Variants in FAAH2 observed in about 807,000 individuals in gnomAD.
The protein encoded by FAAH2 is fatty acid amide hydrolase 2, also known as fatty-acid amide hydrolase 2.
A neutral mutation model predicts 36.9 loss-of-function variants in FAAH2; 60 were observed. The observed-to-expected ratio is 1.63, with a 90% CI of 1.32 to 2.02. FAAH2 has a LOEUF of 2.02. Among genes scored for constraint, FAAH2 ranks in the 30% most tolerant of loss-of-function variants. FAAH2 has a pLI of 0.00. For synonymous variants in FAAH2, 214 were observed against 143.8 expected (o/e 1.49, Z -3.49); for missense variants, 689 against 397.5 (o/e 1.73, Z -6.23).
At chrX:57,382,870 C>CA (rs2054894019) in intron 7 of FAAH2, among the ~76,000 whole-genome samples, 1 of 111,264 alleles carries the variant, frequency 9.0e-6, no homozygotes, top group Non-Finnish European at 1.9e-5. Context: ...AGAGACACAA[C>CA]CAAGAAAGAG....
chrX:57,213,030 T>C, the FAAH2 span, among the ~76,000 whole-genome samples: 1 of 111,608 alleles, frequency 9.0e-6, no homozygotes, highest in African/African-American at 3.3e-5. Flanking sequence ...ATTACTGGTC[T>C]ATTCAGGATT....
chrX:57,439,868 C>A (rs2056508997), intron 8 of FAAH2, among the ~76,000 whole-genome samples: 1 of 111,619 alleles, frequency 9.0e-6, no homozygotes, highest in Admixed American at 9.5e-5. Flanking sequence ...AATCCTTTCC[C>A]CATTTCTTGT....
At chrX:57,457,820 A>G (rs2056888328) in intron 10 of FAAH2, among the ~76,000 whole-genome samples, 1 of 111,307 alleles carries the variant, frequency 9.0e-6, no homozygotes, top group Non-Finnish European at 1.9e-5. Context: ...ATGGGAAAAT[A>G]TTTCATGCTC....
At chrX:57,149,693 C>A in the FAAH2 span, among the ~76,000 whole-genome samples, 1 of 110,804 alleles carries the variant, frequency 9.0e-6, no homozygotes, top group African/African-American at 3.3e-5. Context: ...TTTTGTTGAT[C>A]TTTTCAAAAA....
chrX:57,137,215 G>C, the FAAH2 span: 1 of 760,028 alleles, frequency 1.3e-6, no homozygotes, highest in African/African-American at 2.3e-5. Flanking sequence ...CCTGCCTGGC[G>C]TCCACCGCCG....
intron 7 of FAAH2, among the ~76,000 whole-genome samples, chrX:57,408,609 T>C (rs1286180861): frequency 9.1e-6 from 1 of 110,291 alleles, no homozygotes; most frequent in Non-Finnish European, 1.9e-5. Flanking sequence ...ACATGTTGAA[T>C]AGAAATAGCC....
At chrX:57,341,142 T>G (rs2053675884) in intron 4 of FAAH2, 129 bp from the exon 5 acceptor site, 1 of 564,034 alleles carries the variant, frequency 1.8e-6, no homozygotes, top group African/African-American at 2.4e-5. Context: ...TCTAAATATA[T>G]GCTGTGAACA....
the FAAH2 span, among the ~76,000 whole-genome samples, chrX:57,203,988 T>C: frequency 9.0e-6 from 1 of 111,688 alleles, no homozygotes; most frequent in Non-Finnish European, 1.9e-5. Context: ...ACAGGAACTC[T>C]TGCTGTATTT....
At chrX:57,271,439 T>C in the FAAH2 span, among the ~76,000 whole-genome samples, 21 of 112,268 alleles carry the variant, frequency 1.9e-4, no homozygotes, top group Non-Finnish European at 3.0e-4. Flanking sequence ...CCTCCACAAG[T>C]GAGTCCCTGA....
chrX:57,251,478 C>T, the FAAH2 span, among the ~76,000 whole-genome samples: 6 of 111,393 alleles, frequency 5.4e-5, no homozygotes, highest in East Asian at 5.7e-4. Context: ...TTCAATTCAA[C>T]GCAGTACTAA....
intron 7 of FAAH2, among the ~76,000 whole-genome samples, chrX:57,418,871 TC>T (rs2055922666): frequency 1.8e-5 from 1 of 56,100 alleles, no homozygotes; most frequent in African/African-American, 6.9e-5. Flanking sequence ...CCTTCCCCCC[TC>T]CCCCCACCCA....
At position 57,331,699 on chromosome X, in the gene FAAH2, G is replaced by A. The variant is rs2053412079; in HGVS notation, c.514G>A (p.Gly172Ser). ...GAAGGGAGCTGGTGCCATTCCTCTT[G>A]GCATAACCAACTGTAGTGAGTTGTG... ...LLKGAGAIPL[G>S]ITNCSELCMW... Residue 172 changes from glycine (G) to serine (S), a missense_variant, in exon 4 of 11, where the codon GGC becomes AGC. Gly to Ser is a moderately conservative substitution (Grantham distance 56). Transcript: ENST00000374900. 8.3e-7 allele frequency: 1 copy of A among 1,209,490 alleles called. No individual in the cohort carries two copies. The highest frequency in any genetic ancestry group is 1.1e-6 in the Non-Finnish European group (1 of 894,991).
intron 8 of FAAH2, among the ~76,000 whole-genome samples, chrX:57,444,384 C>A (rs1220279830): frequency 8.9e-6 from 1 of 112,356 alleles, no homozygotes; most frequent in African/African-American, 3.2e-5. Flanking sequence ...GAGTGAGGCT[C>A]TGTGGGCTTC....
chrX:57,281,631 T>C, the FAAH2 span, among the ~76,000 whole-genome samples: 918 of 111,881 alleles, frequency 8.2e-3, 8 homozygotes, highest in African/African-American at 0.028. Context: ...AAATTGCATG[T>C]CATGGAGGTT....
chrX:57,465,317 AG>A (rs1163601555), intron 10 of FAAH2, among the ~76,000 whole-genome samples: 2 of 111,742 alleles, frequency 1.8e-5, no homozygotes, highest in Non-Finnish European at 3.8e-5. Flanking sequence ...GAGATGAGTA[AG>A]AAAAGATGAA....
At chrX:57,359,643 G>T (rs931900890) in intron 5 of FAAH2, among the ~76,000 whole-genome samples, 5 of 111,628 alleles carry the variant, frequency 4.5e-5, no homozygotes, top group African/African-American at 1.6e-4. Context: ...TGTGCATCTG[G>T]TATCATAGAT....
chrX:57,362,590 G>A (rs1006949275), intron 5 of FAAH2, among the ~76,000 whole-genome samples: 7 of 111,560 alleles, frequency 6.3e-5, no homozygotes, highest in African/African-American at 2.3e-4. Flanking sequence ...CTGTGCAAAA[G>A]CTCTTTCACT....
intron 3 of FAAH2, 30 bp downstream of exon 3, chrX:57,310,759 G>T (rs764635236): frequency 8.6e-7 from 1 of 1,160,885 alleles, no homozygotes; most frequent in Non-Finnish European, 1.1e-6. Flanking sequence ...GGCTACATGA[G>T]TTTAATTCAC....
At chrX:57,139,432 T>C in the FAAH2 span, among the ~76,000 whole-genome samples, 1 of 111,717 alleles carries the variant, frequency 9.0e-6, no homozygotes, top group Non-Finnish European at 1.9e-5. Context: ...TACCATGCTG[T>C]TTTGGTTACC....
Sources: gnomAD v4.1 joint callset for allele counts (sites outside exome capture counted in the v4.1 genomes callset) on GRCh38, gnomAD v4.1.1 for gene constraint, MANE v1.5 for transcripts, NCBI Gene and HGNC (gene_info 2026-07-23, HGNC 2026-07-21) for gene names.